The following AGAP1 variants were observed in gnomAD, a reference collection of about 807,000 sequenced individuals.
AGAP1 encodes ArfGAP with GTPase domain, ankyrin repeat and PH domain 1.
AGAP1 carries 29 observed loss-of-function variants against 105.3 expected under a neutral mutation model. The ratio of observed to expected loss-of-function variants is 0.28; its 90% CI spans 0.21 to 0.38. The LOEUF (loss-of-function observed/expected upper bound fraction) is 0.38. AGAP1 is among the 10% of genes least tolerant of loss of function. The pLI, the probability that AGAP1 is intolerant of heterozygous loss-of-function variation, is 1.00. For missense variants in AGAP1, 998 were observed against 1,165.1 expected (o/e 0.86, Z 2.09); for synonymous variants, 509 against 485.9 (o/e 1.05, Z -0.63).
At chr2:236,122,795 G>A (rs1326312091) in intron 17 of AGAP1, among the ~76,000 whole-genome samples, 1 of 148,026 alleles carries the variant, frequency 6.8e-6, no homozygotes, top group East Asian at 2.0e-4. Context: ...CAATTCTCCT[G>A]CCTCAGCCTC....
rs1471560863 is a variant in AGAP1 at position 235,662,966 on chromosome 2, C to T, written c.164-46213C>T. Reference sequence around the variant, plus strand: ...CTAGGAGGGCAGGTAGCTGCCGCTCCCAGCAGCCCCTGATGTGTTTTCCTT... The same window carrying T: ...CTAGGAGGGCAGGTAGCTGCCGCTCTCAGCAGCCCCTGATGTGTTTTCCTT... On this transcript the variant is annotated intron_variant, in intron 1 of 17. Transcript: ENST00000304032. This position sits in a 1 kb window ranked among gnomAD's most constrained non-coding sequence, Gnocchi z 4.2. Among the ~76,000 whole-genome samples, 1 of 152,190 alleles carries T rather than the reference C, an allele frequency of 6.6e-6. No homozygotes were observed. Among genetic ancestry groups the T allele is most frequent in the Admixed American group, 6.5e-5 (1 of 15,282 alleles).
intron 4 of AGAP1, among the ~76,000 whole-genome samples, chr2:235,742,451 A>C (rs1952646870): frequency 6.6e-6 from 1 of 152,242 alleles, no homozygotes; most frequent in Admixed American, 6.5e-5. Context: ...AGCATTAACG[A>C]TACCATGAAC....
chr2:236,031,383 TCCTTGCCCTG>T (rs1303575240), intron 13 of AGAP1, among the ~76,000 whole-genome samples: 1 of 152,170 alleles, frequency 6.6e-6, no homozygotes, highest in Admixed American at 6.5e-5. Flanking sequence ...CGGGCACCCC[TCCTTGCCCTG>T]GGGTAGACAT....
intron 11 of AGAP1, among the ~76,000 whole-genome samples, chr2:235,916,195 T>C (rs1275070501): frequency 1.3e-5 from 2 of 152,180 alleles, no homozygotes; most frequent in Non-Finnish European, 2.9e-5. Context: ...CCAAAAGATA[T>C]TCAGGCCTGG....
rs1464341027 is a variant in AGAP1 at position 235,963,992 on chromosome 2, T to C, written c.1484-4470T>C. Among the ~76,000 whole-genome samples the C allele has an allele frequency of 6.6e-6, 1 of 152,188 alleles. No homozygotes were observed. Among genetic ancestry groups the C allele is most frequent in the East Asian group, 1.9e-4 (1 of 5,192 alleles). On this transcript the variant is annotated intron_variant, in intron 12 of 17. Transcript: ENST00000304032. The surrounding 1 kb of genome is among the most constrained non-coding windows in gnomAD (Gnocchi z 5.1). ...TAACGGAAGAGAGTTTATGATATAA[T>C]GCACCTACTGTAGGCTCAGCATTGC...
chr2:235,849,962 C>A (rs898898642), intron 9 of AGAP1, among the ~76,000 whole-genome samples: 1 of 152,220 alleles, frequency 6.6e-6, no homozygotes, highest in East Asian at 1.9e-4. Context: ...TCCCTCTCAG[C>A]CTTCTTCATA....
intron 1 of AGAP1, among the ~76,000 whole-genome samples, chr2:235,627,732 A>T (rs559887448): frequency 6.6e-6 from 1 of 152,224 alleles, no homozygotes; most frequent in Admixed American, 6.5e-5. Flanking sequence ...CTCCCATTGC[A>T]ATACTCCTGT....
chr2:235,560,856 C>A (rs1944127170), intron 1 of AGAP1, among the ~76,000 whole-genome samples: 1 of 152,196 alleles, frequency 6.6e-6, no homozygotes, highest in Non-Finnish European at 1.5e-5. Flanking sequence ...CTCCCCTTTC[C>A]AACCTTCTAA....
Position 236,014,967 on chromosome 2 carries a change from C to T in AGAP1, c.1646-21594C>T, listed in dbSNP as rs913201078. ...CCCGCCCCTTCCTTTCCAACACAGG[C>T]ATGGAAATGCAATTTGCCCAAAGCC... is the stretch of plus-strand genomic sequence containing the variant. On this transcript the variant is annotated intron_variant, in intron 13 of 17. Transcript: ENST00000304032. This position sits in a 1 kb window ranked among gnomAD's most constrained non-coding sequence, Gnocchi z 6.3. 5 of 307,178 alleles carry T rather than the reference C, an allele frequency of 1.6e-5. No individual in the cohort carries two copies. Among genetic ancestry groups the T allele is most frequent in the Non-Finnish European group, 3.4e-5 (5 of 148,180 alleles). The allele number at this position is 307,178 out of a possible 1,614,324, so 19.0% of individuals were successfully genotyped here. A position where few individuals can be genotyped will look rare whatever the true frequency, so the allele number is the denominator to read the frequency against.
chr2:236,018,515 T>C (rs1194060797), intron 13 of AGAP1, among the ~76,000 whole-genome samples: 1 of 152,178 alleles, frequency 6.6e-6, no homozygotes, highest in Non-Finnish European at 1.5e-5. Flanking sequence ...GACATTATCA[T>C]CCGCTGTGAG....
chr2:235,525,675 ATT>A (rs1255233595), intron 1 of AGAP1, among the ~76,000 whole-genome samples: 6 of 132,954 alleles, frequency 4.5e-5, no homozygotes, highest in Non-Finnish European at 6.5e-5. Context: ...TGGAGGACTG[ATT>A]TATAAAGTAG....
At chr2:235,567,172 G>A (rs977815965) in intron 1 of AGAP1, among the ~76,000 whole-genome samples, 8 of 152,252 alleles carry the variant, frequency 5.3e-5, no homozygotes, top group Non-Finnish European at 8.8e-5. Flanking sequence ...CCAGGCCAGC[G>A]GGCAGCCCTT....
chr2:235,778,188 TG>T (rs1956023921), intron 6 of AGAP1, among the ~76,000 whole-genome samples: 1 of 152,170 alleles, frequency 6.6e-6, no homozygotes, highest in Non-Finnish European at 1.5e-5. Flanking sequence ...TTCCTCCCTG[TG>T]GCTGCTTGAG....
At chr2:235,717,181 C>T (rs977443104) in intron 2 of AGAP1, among the ~76,000 whole-genome samples, 1 of 152,228 alleles carries the variant, frequency 6.6e-6, no homozygotes, top group Non-Finnish European at 1.5e-5. Context: ...CACCTCTGCC[C>T]TCGGGTGCCA....
chr2:235,818,037 C>G lies in AGAP1; in HGVS notation c.1050+10706C>G, dbSNP rs137963737. ...TTAACATCTTAGGGCCGTCCCAAGTCTAGTCCTCCTGGTTCAATCCGATCT... is the reference window on the plus strand; with the variant it reads ...TTAACATCTTAGGGCCGTCCCAAGTGTAGTCCTCCTGGTTCAATCCGATCT... On this transcript the variant is annotated intron_variant, in intron 9 of 17. Coordinates refer to ENST00000304032, the MANE Select transcript of AGAP1 (RefSeq NM_001037131.3). 1.9e-3 allele frequency among the ~76,000 whole-genome samples: 293 copies of G among 152,340 alleles called. 2 individuals carry two copies. Among genetic ancestry groups the G allele is most frequent in the African/African-American group, 6.7e-3 (277 of 41,564 alleles).
intron 9 of AGAP1, among the ~76,000 whole-genome samples, chr2:235,850,092 A>G (rs1261384528): frequency 6.6e-6 from 1 of 152,152 alleles, no homozygotes; most frequent in Non-Finnish European, 1.5e-5. Flanking sequence ...TCCTGGCCCC[A>G]GGGCTCTGCA....
Position 235,556,639 on chromosome 2 carries a change from A to T in AGAP1, c.163+61790A>T, listed in dbSNP as rs1027387500. On this transcript the variant is annotated intron_variant, in intron 1 of 17. Transcript: ENST00000304032. This position sits in a 1 kb window ranked among gnomAD's most constrained non-coding sequence, Gnocchi z 5.3. ...AATACTCTGGTTCCCTCTCTCCCCT[A>T]TGTGCAAGTAAATAACATGCTACTA... Among the ~76,000 whole-genome samples the T allele has an allele frequency of 6.6e-6, 1 of 152,250 alleles. No homozygotes were observed. The highest frequency in any genetic ancestry group is 6.5e-5 in the Admixed American group (1 of 15,292).
In AGAP1 at chr2:236,108,153, C is replaced by T. The variant is rs576723803; in HGVS notation, c.2115-12039C>T. On this transcript the variant is annotated intron_variant, in intron 16 of 17. Coordinates refer to ENST00000304032, the MANE Select transcript of AGAP1 (RefSeq NM_001037131.3). ...GTCCCTCCGCCTGACCCCCTAGCAACGCAGCTCAGGGAGAAGGCATGCATG... is the reference window on the plus strand; with the variant it reads ...GTCCCTCCGCCTGACCCCCTAGCAATGCAGCTCAGGGAGAAGGCATGCATG... Among the ~76,000 whole-genome samples, 10 of 152,356 alleles carry T rather than the reference C, an allele frequency of 6.6e-5. No homozygotes were observed. The East Asian group carries it at 1.5e-3, about 24-fold the overall frequency.
intron 8 of AGAP1, among the ~76,000 whole-genome samples, chr2:235,805,292 T>C (rs1370383126): frequency 6.6e-6 from 1 of 152,172 alleles, no homozygotes; most frequent in African/African-American, 2.4e-5. Flanking sequence ...GGTTCACAGT[T>C]CATGTTCTAA....
Sources: gnomAD v4.1 joint callset for allele counts (sites outside exome capture counted in the v4.1 genomes callset) on GRCh38, gnomAD v4.1.1 for gene constraint, Gnocchi (gnomAD v3.1) non-coding constraint, MANE v1.5 for transcripts, NCBI Gene and HGNC (gene_info 2026-07-23, HGNC 2026-07-21) for gene names.